Variants in SPAG16 observed in about 807,000 individuals in gnomAD.
SPAG16 encodes sperm associated antigen 16.
Under a neutral mutation model 80.4 loss-of-function variants are expected in SPAG16, and 86 were observed. The ratio of observed to expected loss-of-function variants is 1.07; its 90% CI spans 0.90 to 1.28. The LOEUF is 1.28. SPAG16 is among the 50% of genes most tolerant of loss of function. The pLI is 0.00. For synonymous variants in SPAG16, 294 were observed against 265.9 expected (o/e 1.11, Z -1.03); for missense variants, 870 against 765.3 (o/e 1.14, Z -1.61).
chr2:213,582,254 T>C (rs2060322164), intron 10 of SPAG16, among the ~76,000 whole-genome samples: 1 of 152,174 alleles, frequency 6.6e-6, no homozygotes, highest in Admixed American at 6.6e-5. Flanking sequence ...TTTTTTTCCC[T>C]ATACTGTGTC....
chr2:214,043,495 T>A (rs1358770430), intron 13 of SPAG16, among the ~76,000 whole-genome samples: 1 of 152,194 alleles, frequency 6.6e-6, no homozygotes, highest in Non-Finnish European at 1.5e-5. Flanking sequence ...TTTCTTTCTT[T>A]CATTGATTTG....
chr2:214,263,704 G>A (rs762340653), intron 15 of SPAG16, among the ~76,000 whole-genome samples: 14 of 152,082 alleles, frequency 9.2e-5, no homozygotes, highest in South Asian at 4.1e-4. Flanking sequence ...AAGTTAATTC[G>A]GGAATTTCAA....
At chr2:213,398,413 T>A (rs2125326794) in intron 9 of SPAG16, among the ~76,000 whole-genome samples, 1 of 152,118 alleles carries the variant, frequency 6.6e-6, no homozygotes, top group South Asian at 2.1e-4. Context: ...CCCTTTTACC[T>A]CTCTGACATT....
chr2:213,508,865 T>C (rs1451575252), intron 10 of SPAG16, among the ~76,000 whole-genome samples: 1 of 151,684 alleles, frequency 6.6e-6, no homozygotes, highest in Non-Finnish European at 1.5e-5. Flanking sequence ...CATGTATACA[T>C]ATGTAACTAA....
At chr2:213,900,285 T>G (rs982571024) in intron 11 of SPAG16, among the ~76,000 whole-genome samples, 1 of 152,244 alleles carries the variant, frequency 6.6e-6, no homozygotes, top group East Asian at 1.9e-4. Flanking sequence ...TGTTACAAGT[T>G]AGACTTGGAA....
intron 13 of SPAG16, among the ~76,000 whole-genome samples, chr2:214,091,225 T>G (rs1340434689): frequency 6.6e-6 from 1 of 152,144 alleles, no homozygotes; most frequent in Admixed American, 6.6e-5. Flanking sequence ...GAGTACTTAT[T>G]ATATCCCAAG....
At chr2:213,309,927 C>A in intron 3 of SPAG16, 132 bp from the exon 4 acceptor site, 2 of 571,380 alleles carry the variant, frequency 3.5e-6, no homozygotes, top group South Asian at 2.4e-5. Flanking sequence ...ATTAATGGTT[C>A]CTGGCATATA....
chr2:214,165,970 A>C (rs942012905), intron 15 of SPAG16, among the ~76,000 whole-genome samples: 6 of 152,098 alleles, frequency 3.9e-5, no homozygotes, highest in Admixed American at 2.6e-4. Context: ...ATCTCTAGAC[A>C]CCAATCAGGA....
chr2:214,161,842 A>G (rs1000389143), intron 15 of SPAG16, among the ~76,000 whole-genome samples: 4 of 152,138 alleles, frequency 2.6e-5, no homozygotes, highest in Non-Finnish European at 5.9e-5. Flanking sequence ...TAAAATAAAA[A>G]TAACTTTAAA....
chr2:214,169,508 G>A (rs994232433), intron 15 of SPAG16, among the ~76,000 whole-genome samples: 9 of 151,958 alleles, frequency 5.9e-5, no homozygotes, highest in Non-Finnish European at 1.3e-4. Context: ...ATTGCTTTGA[G>A]CTCCGAGCAC....
intron 12 of SPAG16, among the ~76,000 whole-genome samples, chr2:213,973,896 G>A (rs1054699093): frequency 2.6e-5 from 4 of 152,092 alleles, no homozygotes; most frequent in South Asian, 2.1e-4. Context: ...ACTGTAGGAC[G>A]TATGCTGGTG....
intron 12 of SPAG16, among the ~76,000 whole-genome samples, chr2:213,937,730 G>A (rs1272206649): frequency 6.6e-6 from 1 of 151,996 alleles, no homozygotes; most frequent in East Asian, 1.9e-4. Context: ...TTGTATTAAA[G>A]CCAAAGTTCA....
At chr2:213,854,806 G>A (rs1176548233) in intron 10 of SPAG16, among the ~76,000 whole-genome samples, 1 of 152,194 alleles carries the variant, frequency 6.6e-6, no homozygotes, top group African/African-American at 2.4e-5. Flanking sequence ...TTAAACATTA[G>A]TCTACCCCAT....
intron 15 of SPAG16, among the ~76,000 whole-genome samples, chr2:214,191,656 G>C (rs1323895158): frequency 7.0e-6 from 1 of 143,588 alleles, no homozygotes; most frequent in Non-Finnish European, 1.5e-5. Context: ...GAAGGTTGCA[G>C]TGATCCAAGA....
chr2:214,171,036 T>G (rs1160533118), intron 15 of SPAG16, among the ~76,000 whole-genome samples: 5 of 151,982 alleles, frequency 3.3e-5, no homozygotes, highest in Admixed American at 2.6e-4. Context: ...CTGAAGGGTG[T>G]CTAGGCTCAG....
chr2:213,809,453 C>T (rs1382960805), intron 10 of SPAG16, among the ~76,000 whole-genome samples: 1 of 152,130 alleles, frequency 6.6e-6, no homozygotes, highest in Non-Finnish European at 1.5e-5. Context: ...TTAGATATTT[C>T]TGCTAATAAC....
intron 15 of SPAG16, among the ~76,000 whole-genome samples, chr2:214,344,007 A>G (rs1697893953): frequency 6.6e-6 from 1 of 152,122 alleles, no homozygotes; most frequent in African/African-American, 2.4e-5. Context: ...CTCTTACCTT[A>G]ATAATGATGG....
At chr2:213,595,015 G>C (rs1453135752) in intron 10 of SPAG16, among the ~76,000 whole-genome samples, 1 of 151,514 alleles carries the variant, frequency 6.6e-6, no homozygotes, top group Non-Finnish European at 1.5e-5. Flanking sequence ...ATTTTAGAGG[G>C]CTTCCTTGAC....
chr2:214,329,680 A>C (rs1696757496), intron 15 of SPAG16, among the ~76,000 whole-genome samples: 1 of 152,232 alleles, frequency 6.6e-6, no homozygotes. Context: ...GGTAAGTTTC[A>C]GACTCTGGCA....
Sources: allele counts gnomAD v4.1 joint callset (sites outside exome capture counted in the v4.1 genomes callset), GRCh38; gene constraint gnomAD v4.1.1; transcripts MANE v1.5; gene names NCBI Gene and HGNC (gene_info 2026-07-23, HGNC 2026-07-21).